The following PRH1 variants were observed in gnomAD, a reference collection of about 807,000 sequenced individuals.
PRH1 encodes proline rich protein HaeIII subfamily 1.
A neutral mutation model predicts 7.9 loss-of-function variants in PRH1; 7 were observed. The observed-to-expected ratio is 0.89, with a 90% CI of 0.50 to 1.67. PRH1 has a LOEUF of 1.67. Among genes scored for constraint, PRH1 ranks in the 40% most tolerant of loss-of-function variants. The probability of loss-of-function intolerance (pLI) is 0.00; values close to 1 mark genes in which losing one functional copy is unlikely to be tolerated. For missense variants in PRH1, 109 were observed against 223.6 expected, an observed-to-expected ratio of 0.49 and a Z score of 3.27; for synonymous variants, 45 against 80.8, an observed-to-expected ratio of 0.56 and a Z score of 2.38.
intron 1 of PRH1, among the ~76,000 whole-genome samples, chr12:11,158,390 A>G (rs1802787390): frequency 7.0e-6 from 1 of 142,792 alleles, no homozygotes; most frequent in Admixed American, 7.0e-5. Flanking sequence ...AACATTTTAT[A>G]ATTTTTTCCC....
At chr12:11,119,323 A>C (rs1467178444), downstream of PRH1, among the ~76,000 whole-genome samples, 1 of 152,128 alleles carries the variant, frequency 6.6e-6, no homozygotes, top group Non-Finnish European at 1.5e-5. Flanking sequence ...TACCAAAAAA[A>C]AAAAATAGAA....
intron 1 of PRH1, among the ~76,000 whole-genome samples, chr12:11,058,897 T>C (rs1943474794): frequency 6.6e-6 from 1 of 152,168 alleles, no homozygotes; most frequent in African/African-American, 2.4e-5. Context: ...AGTGGTGGTA[T>C]TGGACACAGA....
At chr12:11,042,754 C>A (rs553227710) in intron 1 of PRH1, among the ~76,000 whole-genome samples, 5 of 151,326 alleles carry the variant, frequency 3.3e-5, no homozygotes, top group African/African-American at 1.2e-4. Context: ...CTCAGCCTCC[C>A]GAGTAGCTGG....
intron 1 of PRH1, among the ~76,000 whole-genome samples, chr12:11,055,902 T>C (rs143730010): frequency 6.6e-6 from 1 of 152,360 alleles, no homozygotes; most frequent in Non-Finnish European, 1.5e-5. Context: ...ACCAAAAGCA[T>C]CCAAGGTTTT....
At chr12:11,157,151 T>C (rs35318883) in intron 1 of PRH1, among the ~76,000 whole-genome samples, 113,410 of 152,158 alleles carry the variant, frequency 0.75, 44,769 homozygotes, top group East Asian at 0.96. Flanking sequence ...AGAATAAAAG[T>C]GTGAGTCTAA....
chr12:11,016,965 C>T (rs1398965995), intron 1 of PRH1, among the ~76,000 whole-genome samples: 1 of 152,162 alleles, frequency 6.6e-6, no homozygotes, highest in Non-Finnish European at 1.5e-5. Context: ...ATATGCCTAT[C>T]CACTTAACCT....
At chr12:11,010,628 T>A (rs1941024828) in intron 1 of PRH1, among the ~76,000 whole-genome samples, 2 of 151,962 alleles carry the variant, frequency 1.3e-5, no homozygotes, top group Admixed American at 1.3e-4. Context: ...AATTGTACTT[T>A]ATAATCCTAA....
chr12:11,049,595 T>C (rs1419841748), upstream of PRH1, among the ~76,000 whole-genome samples: 2 of 150,464 alleles, frequency 1.3e-5, no homozygotes, highest in Non-Finnish European at 2.9e-5. Flanking sequence ...AATAAAGGCA[T>C]TTTTTTAATT....
At chr12:10,993,394 T>G (rs979028223) in intron 1 of PRH1, among the ~76,000 whole-genome samples, 76 of 152,254 alleles carry the variant, frequency 5.0e-4, no homozygotes, top group African/African-American at 1.7e-3. Flanking sequence ...CTGTTACCCA[T>G]AAGCAGGAAG....
chr12:10,892,253 T>C (rs1949584614), intron 2 of PRH1, among the ~76,000 whole-genome samples: 1 of 152,188 alleles, frequency 6.6e-6, no homozygotes, highest in Non-Finnish European at 1.5e-5. Context: ...TGGAGAATTT[T>C]TTTCCCAACA....
chr12:10,928,894 C>G (rs7979199), intron 2 of PRH1, among the ~76,000 whole-genome samples: 35,634 of 152,126 alleles, frequency 0.23, 4,241 homozygotes, highest in Non-Finnish European at 0.25. Flanking sequence ...CACATACACA[C>G]AAATGAAAAG....
intron 2 of PRH1, among the ~76,000 whole-genome samples, chr12:10,941,847 AG>A (rs1286033255): frequency 2.5e-4 from 38 of 152,190 alleles, no homozygotes; most frequent in African/African-American, 9.1e-4. Context: ...TCATTTGGGT[AG>A]GCTCTATCAG....
chr12:11,043,132 CA>C (rs1942777523), intron 1 of PRH1, among the ~76,000 whole-genome samples: 1 of 152,064 alleles, frequency 6.6e-6, no homozygotes, highest in Non-Finnish European at 1.5e-5. Context: ...AAGGGTGGTT[CA>C]ACATACACAA....
intron 1 of PRH1, chr12:11,005,790 C>T (rs1940800233): frequency 6.6e-6 from 1 of 152,016 alleles, no homozygotes; most frequent in Non-Finnish European, 1.5e-5. Context: ...ACTTATCTCT[C>T]GTGCTTAAGC....
chr12:10,988,671 T>C lies in PRH1; in HGVS notation c.-125-14950A>G, dbSNP rs76825976. On this transcript the variant is annotated intron_variant, in intron 1 of 3. Transcript: ENST00000539853. ...CATAGCAATGTGTCATAAACACTCA[T>C]GCAACCATCAAGCAGGGCAAAACAT... Among the ~76,000 whole-genome samples the C allele has an allele frequency of 7.8e-3, 1,190 of 152,210 alleles. 28 individuals are homozygous for C. Among genetic ancestry groups the C allele is most frequent in the African/African-American group, 0.028 (1,143 of 41,476 alleles).
At chr12:10,997,554 G>T (rs1282964712) in intron 1 of PRH1, 4 of 1,613,914 alleles carry the variant, frequency 2.5e-6, no homozygotes, top group Non-Finnish European at 3.4e-6. Context: ...ACGATCTTGA[G>T]CAAATAAAAT....
intron 1 of PRH1, among the ~76,000 whole-genome samples, chr12:11,036,807 C>T (rs867777865): frequency 1.7e-4 from 26 of 152,200 alleles, no homozygotes; most frequent in African/African-American, 4.8e-4. Flanking sequence ...CAAAAACAAA[C>T]CACTTCATGA....
intron 1 of PRH1, among the ~76,000 whole-genome samples, chr12:11,060,901 T>C (rs1261060964): frequency 6.6e-6 from 1 of 152,280 alleles, no homozygotes; most frequent in Non-Finnish European, 1.5e-5. Flanking sequence ...AAGTTACAGG[T>C]TCAAACAATG....
At chr12:11,146,606 T>C (rs367876684) in intron 1 of PRH1, among the ~76,000 whole-genome samples, 17 of 152,264 alleles carry the variant, frequency 1.1e-4, no homozygotes, top group East Asian at 5.8e-4. Flanking sequence ...TATCAAACTT[T>C]TCCTTTATGT....
Sources: allele counts gnomAD v4.1 joint callset (sites outside exome capture counted in the v4.1 genomes callset), GRCh38; gene constraint gnomAD v4.1.1; transcripts MANE v1.5; gene names NCBI Gene and HGNC (gene_info 2026-07-23, HGNC 2026-07-21).